Variants in SF1 observed in about 807,000 individuals in gnomAD.
The protein encoded by SF1 is branch point-binding protein.
Under a neutral mutation model 62.5 loss-of-function variants are expected in SF1, and 7 were observed. The ratio of observed to expected loss-of-function variants is 0.11; its 90% CI spans 0.06 to 0.21. The LOEUF (loss-of-function observed/expected upper bound fraction) is 0.21, where lower values mean the gene tolerates loss of function less well. Among genes scored for constraint, SF1 ranks in the 10% least tolerant of loss-of-function variants. The pLI, the probability that SF1 is intolerant of heterozygous loss-of-function variation, is 1.00. For synonymous variants in SF1, 394 were observed against 323.6 expected (o/e 1.22, Z -2.33); for missense variants, 578 against 884.0 (o/e 0.65, Z 4.39).
rs760122519 is a variant in SF1, at chr11:64,766,013, C to T, written c.1725G>A (p.Pro575=). 16 of 1,596,112 alleles carry T rather than the reference C, an allele frequency of 1.0e-5. No individual in the cohort carries two copies. The highest frequency in any genetic ancestry group is 2.0e-4 in the Middle Eastern group (1 of 5,070). ...TMVPLPPGVQ[P]PLPPGAPPPP... is the part of the protein sequence containing the mutation. ...GGGGAGGGGCCCCAGGCGGCAGAGG[C>T]GGCTGGACCCCGGGGGGCAGGGGCA... is the stretch of plus-strand genomic sequence containing the variant. Residue 575 remains proline, a synonymous_variant, in exon 13 of 13, where the codon CCG becomes CCA. Coordinates refer to ENST00000377390, the MANE Select transcript of SF1 (RefSeq NM_004630.4).
At position 64,778,236 on chromosome 11, in the gene SF1, C is replaced by CGGGCGG. The variant is rs1037317217; in HGVS notation, c.31+120_31+125dup. ...GCGGTCAGGGCCCCCATCGAGCCCACGGGCGGGGGCGGCGGCGGCCCGGGA... is the reference window on the plus strand; with the variant it reads ...GCGGTCAGGGCCCCCATCGAGCCCACGGGCGGGGGCGGGGGCGGCGGCGGCCCGGGA... On this transcript the variant is annotated intron_variant, in intron 1 of 12. Transcript: ENST00000377390. The CGGGCGG allele has an allele frequency of 3.4e-5, 40 of 1,193,868 alleles. No individual in the cohort carries two copies. In the South Asian group the frequency reaches 6.3e-4, roughly 19 times the overall value. The allele number at this position is 1,193,868 out of a possible 1,614,324, so 74.0% of individuals were successfully genotyped here.
intron 8 of SF1, 29 bp from the exon 9 acceptor site, chr11:64,768,315 G>T: frequency 1.2e-6 from 2 of 1,600,956 alleles, no homozygotes; most frequent in South Asian, 1.1e-5. Flanking sequence ...CACAAACAGA[G>T]AAAGGGGAAA....
Position 64,768,289 on chromosome 11 carries a change from G to A in SF1, c.888-3C>T, listed in dbSNP as rs1937671099. ...GAGCTGACTGAGGATCACCAGGCCT[G>A]AAGTGGGGTGGGGGACACAAACAGA... On this transcript the variant is annotated splice_region_variant and splice_polypyrimidine_tract_variant and intron_variant, in intron 8 of 12. Coordinates refer to ENST00000377390, the MANE Select transcript of SF1 (RefSeq NM_004630.4). 3 of 1,612,104 alleles carry A rather than the reference G, an allele frequency of 1.9e-6. No individual in the cohort carries two copies. Among genetic ancestry groups the A allele is most frequent in the Admixed American group, 1.7e-5 (1 of 59,618 alleles).
intron 4 of SF1, 45 bp from the exon 5 acceptor site, chr11:64,770,098 C>T: frequency 6.3e-7 from 1 of 1,586,926 alleles, no homozygotes. Context: ...TGGAGAATGA[C>T]ACAGCCAGCG....
At chr11:64,777,869 TCCCCGTGCGCGCACGCGCGCCCCTG>T (rs927574115) in intron 1 of SF1, 144 of 928,390 alleles carry the variant, frequency 1.6e-4, no homozygotes, top group East Asian at 7.2e-4. Flanking sequence ...CGCCCGGGCC[TCCCCGTGCGCGCACGCGCGCCCCTG>T]CCGCGTGCAG....
At chr11:64,777,799 C>A (rs373714343) in intron 1 of SF1, 427 of 982,432 alleles carry the variant, frequency 4.3e-4, no homozygotes, top group Middle Eastern at 5.2e-4. Context: ...GCCCTCCCCC[C>A]ACAGCGCGCG....
intron 2 of SF1, 97 bp from the exon 3 acceptor site, chr11:64,773,602 G>C: frequency 1.4e-6 from 2 of 1,399,304 alleles, no homozygotes; most frequent in Non-Finnish European, 1.9e-6. Flanking sequence ...TGAAGAACTC[G>C]GAGACTTTGA....
At chr11:64,774,961 CAAA>C (rs201621861) in intron 2 of SF1, among the ~76,000 whole-genome samples, 16 of 99,040 alleles carry the variant, frequency 1.6e-4, no homozygotes, top group East Asian at 1.5e-3. Context: ...CTCAGTCTCT[CAAA>C]AAAAAAAAAA....
At chr11:64,771,394 CAAG>C (rs1466286944) in intron 3 of SF1, 2 of 904,038 alleles carry the variant, frequency 2.2e-6, no homozygotes, top group African/African-American at 3.6e-5. Context: ...GTAGCAGCTG[CAAG>C]AAGGGAAGAG....
chr11:64,777,985 A>G (rs1158410222), intron 1 of SF1: 4 of 994,194 alleles, frequency 4.0e-6, no homozygotes, highest in Non-Finnish European at 4.8e-6. Context: ...GGCCCGACTC[A>G]CCTCCTCCGC....
intron 1 of SF1, chr11:64,777,916 G>C (rs972090379): frequency 1.0e-6 from 1 of 962,516 alleles, no homozygotes; most frequent in African/African-American, 1.8e-5. Context: ...CGCCGTCGCC[G>C]CCGCCGCGCG....
chr11:64,776,042 T>TTTC (rs1555147909), intron 2 of SF1: 6,667 of 156,662 alleles, frequency 0.043, 489 homozygotes, highest in African/African-American at 0.15. Context: ...CATTTTTTTT[T>TTTC]TTTCAGAAAG....
chr11:64,765,261 G>C lies in SF1; in HGVS notation c.*557C>G, dbSNP rs895432684. On this transcript the variant is annotated 3_prime_UTR_variant, in exon 13 of 13. Transcript: ENST00000377390. The stretch of plus-strand genomic sequence containing the variant: ...ATCTAAATTGCAGCAGAAGACCGGG[G>C]AGAGCATCTCCTTGGACGGAGTCTG... 9.4e-6 allele frequency: 5 copies of C among 529,790 alleles called. No homozygotes were observed. The highest frequency in any genetic ancestry group is 7.9e-5 in the African/African-American group (4 of 50,716). 32.8% of individuals were successfully genotyped at this position (529,790 alleles called of 1,614,324 possible). A position where few individuals can be genotyped will look rare whatever the true frequency, so the allele number is the denominator to read the frequency against.
chr11:64,769,893 T>G lies in SF1; in HGVS notation c.479+71A>C, dbSNP rs1938026342. ...GGAAAAGTAAGCCAACAGTCCCCAA[T>G]TAGGCACAAAACGGACACATCTCAC... is the stretch of plus-strand genomic sequence containing the variant. On this transcript the variant is annotated intron_variant, in intron 5 of 12. Coordinates refer to ENST00000377390, the MANE Select transcript of SF1 (RefSeq NM_004630.4). 2.5e-6 allele frequency: 3 copies of G among 1,191,294 alleles called. No homozygotes were observed. In the South Asian group the frequency reaches 3.9e-5, roughly 15 times the overall value. 73.8% of individuals were successfully genotyped at this position (1,191,294 alleles called of 1,614,324 possible). A position where few individuals can be genotyped will look rare whatever the true frequency, so the allele number is the denominator to read the frequency against.
rs960428929 is a variant in SF1, at chr11:64,772,979, G to C, written c.236+451C>G. On this transcript the variant is annotated intron_variant, in intron 3 of 12. Transcript: ENST00000377390. ...ACCATCTCAAAACCATGAGCAGGAA[G>C]ACTGCAGCAATGAGCTGACCAGAGC... 9 of 989,798 alleles carry C rather than the reference G, an allele frequency of 9.1e-6. No homozygotes were observed. The African/African-American group carries it at 1.6e-4, about 17-fold the overall frequency. The allele number at this position is 989,798 out of a possible 1,614,324, so 61.3% of individuals were successfully genotyped here. A position where few individuals can be genotyped will look rare whatever the true frequency, so the allele number is the denominator to read the frequency against.
intron 1 of SF1, 53 bp from the exon 2 acceptor site, chr11:64,776,679 G>A (rs749363200): frequency 1.1e-5 from 17 of 1,569,614 alleles, no homozygotes; most frequent in African/African-American, 1.4e-5. Flanking sequence ...GTTATCAACA[G>A]ACAGCTAAGG....
At chr11:64,775,649 G>A (rs1939094895) in intron 2 of SF1, among the ~76,000 whole-genome samples, 1 of 152,126 alleles carries the variant, frequency 6.6e-6, no homozygotes, top group Non-Finnish European at 1.5e-5. Flanking sequence ...TCCTCCAAAG[G>A]GGATGTTTAT....
chr11:64,778,046 G>C lies in SF1; in HGVS notation c.31+316C>G, dbSNP rs1939657323. On this transcript the variant is annotated intron_variant, in intron 1 of 12. Coordinates refer to ENST00000377390, the MANE Select transcript of SF1 (RefSeq NM_004630.4). Reference sequence around the variant, plus strand: ...CTTACGCGGCGGCTGGGGTGGCGGCGGCTGCGGCGGCGACACGCGCTGGTA... The same window carrying C: ...CTTACGCGGCGGCTGGGGTGGCGGCCGCTGCGGCGGCGACACGCGCTGGTA... 3 of 1,011,532 alleles carry C rather than the reference G, an allele frequency of 3.0e-6. No individual in the cohort carries two copies. The highest frequency in any genetic ancestry group is 8.9e-5 in the South Asian group (2 of 22,392). The allele number at this position is 1,011,532 out of a possible 1,614,324, so 62.7% of individuals were successfully genotyped here.
At chr11:64,770,089 G>A in intron 4 of SF1, 36 bp from the exon 5 acceptor site, 2 of 1,589,276 alleles carry the variant, frequency 1.3e-6, no homozygotes, top group Non-Finnish European at 1.7e-6. Flanking sequence ...GCACATTTCT[G>A]GAGAATGACA....
Sources: allele counts gnomAD v4.1 joint callset (sites outside exome capture counted in the v4.1 genomes callset), GRCh38; gene constraint gnomAD v4.1.1; transcripts MANE v1.5; gene names NCBI Gene and HGNC (gene_info 2026-07-23, HGNC 2026-07-21).